SPON1: variants seen among roughly 807,000 people sequenced by gnomAD.
The protein encoded by SPON1 is spondin-1.
Under a neutral mutation model 111.7 loss-of-function variants are expected in SPON1, and 52 were observed. That is an observed-to-expected ratio of 0.47 (90% CI 0.37 to 0.59). SPON1 has a LOEUF of 0.59. SPON1 is among the 20% of genes least tolerant of loss of function. The probability of loss-of-function intolerance (pLI) is 0.00; values close to 1 mark genes in which losing one functional copy is unlikely to be tolerated. For missense variants in SPON1, 957 were observed against 1,068.5 expected, an observed-to-expected ratio of 0.90 and a Z score of 1.46; for synonymous variants, 410 against 395.8, an observed-to-expected ratio of 1.04 and a Z score of -0.43.
intron 3 of SPON1, among the ~76,000 whole-genome samples, chr11:14,049,424 C>T (rs1286472901): frequency 6.6e-6 from 1 of 152,234 alleles, no homozygotes; most frequent in Non-Finnish European, 1.5e-5. Flanking sequence ...ATCTGAGTCA[C>T]ACCACTTACC....
chr11:14,247,297 C>T (rs2133920552), intron 7 of SPON1, among the ~76,000 whole-genome samples: 1 of 152,252 alleles, frequency 6.6e-6, no homozygotes, highest in South Asian at 2.1e-4. Flanking sequence ...GTGGTCTCAG[C>T]TACCTGGGAG....
At chr11:14,000,940 A>G (rs1199089060) in intron 2 of SPON1, among the ~76,000 whole-genome samples, 3 of 152,196 alleles carry the variant, frequency 2.0e-5, no homozygotes, top group African/African-American at 7.2e-5. Context: ...AGTAATACTA[A>G]GTCGAAGAGT....
chr11:14,193,430 T>C (rs1554934766), intron 6 of SPON1, among the ~76,000 whole-genome samples: 1 of 152,210 alleles, frequency 6.6e-6, no homozygotes, highest in East Asian at 1.9e-4. Context: ...GGAGGAGTTG[T>C]GGTAAACGTA....
At chr11:14,252,159 C>T (rs1380980868) in intron 7 of SPON1, among the ~76,000 whole-genome samples, 1 of 152,202 alleles carries the variant, frequency 6.6e-6, no homozygotes, top group Non-Finnish European at 1.5e-5. Context: ...TCCTGGGGTA[C>T]AGCTATGAAA....
chr11:14,176,734 C>T (rs1458610317), intron 6 of SPON1, among the ~76,000 whole-genome samples: 1 of 152,138 alleles, frequency 6.6e-6, no homozygotes, highest in Non-Finnish European at 1.5e-5. Flanking sequence ...AGAGAGAGTA[C>T]CAGAGTCAGT....
In SPON1 at chr11:14,255,809, T is replaced by G. The variant is rs1025410625; in HGVS notation, c.1233+22T>G. ...GAAGGTACTGGGTTAGAACCCACTC[T>G]GGCATCGACCTTTCCCGGTAGGAGT... On this transcript the variant is annotated intron_variant, in intron 9 of 15. Transcript: ENST00000576479. 3.1e-6 allele frequency: 5 copies of G among 1,610,370 alleles called. No homozygotes were observed. In the African/African-American group the frequency reaches 4.0e-5, roughly 13 times the overall value.
intron 3 of SPON1, among the ~76,000 whole-genome samples, chr11:14,057,598 G>A (rs1046039986): frequency 6.6e-6 from 1 of 152,086 alleles, no homozygotes; most frequent in Non-Finnish European, 1.5e-5. Context: ...TACTTGAGCT[G>A]ATCAGCATCA....
At chr11:14,038,149 G>A (rs560553852) in intron 2 of SPON1, among the ~76,000 whole-genome samples, 1 of 151,578 alleles carries the variant, frequency 6.6e-6, no homozygotes, top group Non-Finnish European at 1.5e-5. Context: ...CTGGGTGACA[G>A]AGTGGGACTC....
chr11:14,219,177 T>C (rs555309811), intron 6 of SPON1, among the ~76,000 whole-genome samples: 10 of 152,234 alleles, frequency 6.6e-5, no homozygotes, highest in African/African-American at 1.7e-4. Context: ...AGAATGAATA[T>C]AGATTTCTTC....
intron 7 of SPON1, 71 bp from the exon 8 acceptor site, chr11:14,254,457 G>C (rs1408312078): frequency 1.5e-6 from 2 of 1,328,722 alleles, no homozygotes; most frequent in Non-Finnish European, 2.1e-6. Flanking sequence ...TCATAATCCA[G>C]GCAGATTTCC....
At chr11:14,078,015 A>G (rs1554921676) in intron 4 of SPON1, among the ~76,000 whole-genome samples, 1 of 152,204 alleles carries the variant, frequency 6.6e-6, no homozygotes, top group African/African-American at 2.4e-5. Flanking sequence ...GAGATGCTCC[A>G]TAGCCTGAAA....
Position 14,265,869 on chromosome 11 carries a change from T to C in SPON1, c.*182T>C. 1 of 661,084 alleles carries C rather than the reference T, an allele frequency of 1.5e-6. No individual in the cohort carries two copies. Among genetic ancestry groups the C allele is most frequent in the Non-Finnish European group, 2.4e-6 (1 of 409,864 alleles). 41.0% of individuals were successfully genotyped at this position (661,084 alleles called of 1,614,324 possible). On this transcript the variant is annotated 3_prime_UTR_variant, in exon 16 of 16. Transcript: ENST00000576479. ...TGAATACTTCTTGATGGGTACAGGCTGAGTGGGGCGCCCTCACCTCCAGCC... is the reference window on the plus strand; with the variant it reads ...TGAATACTTCTTGATGGGTACAGGCCGAGTGGGGCGCCCTCACCTCCAGCC...
chr11:14,021,781 G>A (rs565721035), intron 2 of SPON1, among the ~76,000 whole-genome samples: 14 of 152,258 alleles, frequency 9.2e-5, no homozygotes, highest in East Asian at 1.9e-4. Context: ...TGATACACAC[G>A]AAGTTGTTTT....
chr11:14,086,659 A>T (rs377199737), intron 5 of SPON1, among the ~76,000 whole-genome samples: 4 of 152,300 alleles, frequency 2.6e-5, no homozygotes, highest in South Asian at 4.1e-4. Context: ...TGCTGGCCTC[A>T]GAAAATGAGT....
chr11:14,163,879 C>A (rs528159678), intron 6 of SPON1, among the ~76,000 whole-genome samples: 1 of 152,104 alleles, frequency 6.6e-6, no homozygotes, highest in East Asian at 1.9e-4. Flanking sequence ...CCCCCACACC[C>A]ATAAAGGCTA....
intron 2 of SPON1, among the ~76,000 whole-genome samples, chr11:13,991,735 T>A (rs1848232022): frequency 6.6e-6 from 1 of 152,224 alleles, no homozygotes; most frequent in Non-Finnish European, 1.5e-5. Flanking sequence ...TGGTCTTTGA[T>A]GTTGGTGACC....
chr11:14,156,774 T>C (rs1847853115), intron 6 of SPON1, among the ~76,000 whole-genome samples: 1 of 152,130 alleles, frequency 6.6e-6, no homozygotes, highest in African/African-American at 2.4e-5. Flanking sequence ...TTGCTTGTTT[T>C]TGTCAGGTTT....
intron 6 of SPON1, among the ~76,000 whole-genome samples, chr11:14,180,732 A>G (rs781911847): frequency 1.3e-5 from 2 of 152,190 alleles, no homozygotes; most frequent in African/African-American, 4.8e-5. Flanking sequence ...GTCTGTGCTC[A>G]TTATTGGCTG....
chr11:14,086,358 A>C (rs2204711), intron 5 of SPON1, among the ~76,000 whole-genome samples: 2,063 of 152,306 alleles, frequency 0.014, 57 homozygotes, highest in African/African-American at 0.046. Context: ...AGCATGAAGC[A>C]GTGTTGAATT....
Sources: gnomAD v4.1 joint callset for allele counts (sites outside exome capture counted in the v4.1 genomes callset) on GRCh38, gnomAD v4.1.1 for gene constraint, MANE v1.5 for transcripts, NCBI Gene and HGNC (gene_info 2026-07-23, HGNC 2026-07-21) for gene names.